Variants in SFMBT1 observed in about 807,000 individuals in gnomAD.
The protein encoded by SFMBT1 is Scm like with four mbt domains 1.
A neutral mutation model predicts 108.7 loss-of-function variants in SFMBT1; 32 were observed. The ratio of observed to expected loss-of-function variants is 0.29; its 90% CI spans 0.22 to 0.40. The LOEUF is 0.40. Among genes scored for constraint, SFMBT1 ranks in the 10% least tolerant of loss-of-function variants. SFMBT1 has a pLI of 1.00. For synonymous variants in SFMBT1, 348 were observed against 369.5 expected, an observed-to-expected ratio of 0.94 and a Z score of 0.67; for missense variants, 816 against 1,059.6, an observed-to-expected ratio of 0.77 and a Z score of 3.19.
intron 1 of SFMBT1, among the ~76,000 whole-genome samples, chr3:52,977,327 G>A (rs1704551351): frequency 6.6e-6 from 1 of 152,014 alleles, no homozygotes; most frequent in Non-Finnish European, 1.5e-5. Context: ...TGAAAAACAT[G>A]GTGAAACCCA....
In SFMBT1 at chr3:52,932,260, G is replaced by C. The variant is rs1172853285; in HGVS notation, c.502C>G (p.Leu168Val). The change falls in exon 6 of 21, where the codon CTA (leucine) becomes GTA (valine). Residue 168 changes from leucine (L) to valine (V), a missense_variant. By Grantham distance (32) the Leu-to-Val change is conservative. This residue lies in a region of SFMBT1 where 495 missense variants were observed against 607.4 expected (regional missense o/e 0.81). Coordinates refer to ENST00000394752, the MANE Select transcript of SFMBT1 (RefSeq NM_016329.4). ...PLDLIAPGSR[L>V]ECQAFQDSLS... ...GAGTCCTGGAAAGCTTGACATTCTA[G>C]TCTGGATCCTGGAGCAATGAGATCT... The C allele has an allele frequency of 6.2e-7, 1 of 1,614,170 alleles. No homozygotes were observed. The highest frequency in any genetic ancestry group is 8.5e-7 in the Non-Finnish European group (1 of 1,180,010).
intron 1 of SFMBT1, among the ~76,000 whole-genome samples, chr3:53,015,243 A>G (rs1699086600): frequency 6.6e-6 from 1 of 151,664 alleles, no homozygotes; most frequent in African/African-American, 2.4e-5. Flanking sequence ...TTGTATTTTA[A>G]TTGGCAATAC....
intron 8 of SFMBT1, among the ~76,000 whole-genome samples, chr3:52,928,653 T>TATAC (rs754706976): frequency 5.5e-5 from 1 of 18,036 alleles, no homozygotes; most frequent in African/African-American, 1.0e-4. Context: ...TATATATATA[T>TATAC]ACACATATAT....
chr3:52,985,929 G>A (rs1245243383), intron 1 of SFMBT1, among the ~76,000 whole-genome samples: 2 of 152,148 alleles, frequency 1.3e-5, no homozygotes, highest in Non-Finnish European at 2.9e-5. Flanking sequence ...GATCATTTGA[G>A]GTGAAGAGTT....
At chr3:53,023,435 A>T (rs1699379813) in intron 1 of SFMBT1, among the ~76,000 whole-genome samples, 3 of 152,020 alleles carry the variant, frequency 2.0e-5, no homozygotes. Flanking sequence ...CTAAGATCTC[A>T]CTCTGTGTTA....
chr3:52,906,514 G>A (rs1702069140), intron 19 of SFMBT1, among the ~76,000 whole-genome samples: 1 of 152,192 alleles, frequency 6.6e-6, no homozygotes, highest in Non-Finnish European at 1.5e-5. Context: ...GGGTGCTGAA[G>A]AGAAGGGGAT....
intron 1 of SFMBT1, among the ~76,000 whole-genome samples, chr3:53,016,741 T>C (rs1699139109): frequency 6.6e-6 from 1 of 152,102 alleles, no homozygotes; most frequent in Non-Finnish European, 1.5e-5. Flanking sequence ...GCTCATTTTT[T>C]CACTCTCTTT....
At chr3:53,009,196 C>T (rs1339154916) in intron 1 of SFMBT1, among the ~76,000 whole-genome samples, 5 of 151,818 alleles carry the variant, frequency 3.3e-5, no homozygotes, top group East Asian at 2.0e-4. Context: ...CCTGTAATCC[C>T]GGCACTTTGG....
At position 52,907,187 on chromosome 3, in the gene SFMBT1, G is replaced by A; in HGVS notation, c.2213C>T (p.Ser738Phe). Reference protein sequence around the residue: ...ESEMSEKKSCSSSPTQSEIST... With the variant: ...ESEMSEKKSCFSSPTQSEIST... ...TATCTCACTTTGGGTGGGAGAAGAGGAGCATGACTTTTTTTCTGACATTTC... is the reference window on the plus strand; with the variant it reads ...TATCTCACTTTGGGTGGGAGAAGAGAAGCATGACTTTTTTTCTGACATTTC... The change falls in exon 19 of 21, where the codon TCC becomes TTC. Residue 738 changes from serine to phenylalanine, a missense_variant. Ser to Phe is a radical substitution (Grantham distance 155). Transcript: ENST00000394752. 6.2e-7 allele frequency: 1 copy of A among 1,614,100 alleles called. No homozygotes were observed. Among genetic ancestry groups the A allele is most frequent in the Non-Finnish European group, 8.5e-7 (1 of 1,180,006 alleles).
At chr3:53,032,481 G>T (rs906693576) in intron 1 of SFMBT1, among the ~76,000 whole-genome samples, 1 of 152,184 alleles carries the variant, frequency 6.6e-6, no homozygotes, top group African/African-American at 2.4e-5. Context: ...ACAAAGTATT[G>T]TAGGCCACAC....
At chr3:52,984,893 A>G (rs1704852790) in intron 1 of SFMBT1, among the ~76,000 whole-genome samples, 1 of 152,056 alleles carries the variant, frequency 6.6e-6, no homozygotes, top group Admixed American at 6.6e-5. Context: ...CTTAGCAATT[A>G]CTGATTAGTA....
chr3:53,014,301 A>G (rs879368835), intron 1 of SFMBT1, among the ~76,000 whole-genome samples: 6 of 152,176 alleles, frequency 3.9e-5, no homozygotes, highest in African/African-American at 7.2e-5. Flanking sequence ...AAGAATTGAG[A>G]TCACTTCTTA....
At chr3:53,015,284 A>T (rs1369055447) in intron 1 of SFMBT1, among the ~76,000 whole-genome samples, 1 of 61,370 alleles carries the variant, frequency 1.6e-5, no homozygotes, top group Non-Finnish European at 4.4e-5. Flanking sequence ...TGGTTATCAT[A>T]AAAAAAAAAT....
At chr3:52,934,784 A>G (rs1702955252) in intron 5 of SFMBT1, 29 bp downstream of exon 5, 3 of 1,567,674 alleles carry the variant, frequency 1.9e-6, no homozygotes, top group African/African-American at 1.4e-5. Flanking sequence ...TGGGTTTTCC[A>G]TGCTGATGTG....
At chr3:52,919,683 C>T (rs561835676) in intron 12 of SFMBT1, among the ~76,000 whole-genome samples, 2 of 152,318 alleles carry the variant, frequency 1.3e-5, no homozygotes, top group East Asian at 1.9e-4. Flanking sequence ...TTCCATCTTC[C>T]TCAACCTCTC....
At chr3:52,928,591 CATATATAT>C (rs1303083060) in intron 8 of SFMBT1, 1 of 135,562 alleles carries the variant, frequency 7.4e-6, no homozygotes, top group East Asian at 2.1e-4. Flanking sequence ...TACATATATA[CATATATAT>C]ACATATATAC....
At chr3:52,970,033 A>C (rs944674583) in intron 1 of SFMBT1, among the ~76,000 whole-genome samples, 1 of 151,778 alleles carries the variant, frequency 6.6e-6, no homozygotes, top group Non-Finnish European at 1.5e-5. Context: ...AGTCTGGGGG[A>C]CGGAGGTTGC....
At chr3:52,981,928 C>G (rs1704726454) in intron 1 of SFMBT1, among the ~76,000 whole-genome samples, 1 of 152,194 alleles carries the variant, frequency 6.6e-6, no homozygotes, top group African/African-American at 2.4e-5. Flanking sequence ...CAAAAAGAAC[C>G]CTTTTTCTGA....
At chr3:53,027,488 T>C (rs1699533636) in intron 1 of SFMBT1, among the ~76,000 whole-genome samples, 1 of 152,232 alleles carries the variant, frequency 6.6e-6, no homozygotes, top group African/African-American at 2.4e-5. Context: ...TGAATTACTA[T>C]GGTATCAGAT....
Sources: gnomAD v4.1 joint callset for allele counts (sites outside exome capture counted in the v4.1 genomes callset) on GRCh38, gnomAD v4.1.1 for gene constraint, gnomAD v4.1.1 regional missense constraint, MANE v1.5 for transcripts, NCBI Gene and HGNC (gene_info 2026-07-23, HGNC 2026-07-21) for gene names.